The following OSBPL8 variants were observed in gnomAD, a reference collection of about 807,000 sequenced individuals.
The protein encoded by OSBPL8 is oxysterol binding protein like 8, also known as oxysterol-binding protein-related protein 8.
OSBPL8 carries 59 observed loss-of-function variants against 125.5 expected under a neutral mutation model. The ratio of observed to expected loss-of-function variants is 0.47; its 90% CI spans 0.38 to 0.58. The LOEUF (loss-of-function observed/expected upper bound fraction) is 0.58. Among genes scored for constraint, OSBPL8 ranks in the 20% least tolerant of loss-of-function variants. The pLI, the probability that OSBPL8 is intolerant of heterozygous loss-of-function variation, is 0.00. For synonymous variants in OSBPL8, 330 were observed against 338.9 expected (o/e 0.97, Z 0.29); for missense variants, 758 against 1,047.8 (o/e 0.72, Z 3.82).
intron 9 of OSBPL8, among the ~76,000 whole-genome samples, chr12:76,393,888 C>T (rs1169270705): frequency 1.3e-5 from 2 of 151,758 alleles, no homozygotes; most frequent in Non-Finnish European, 2.9e-5. Context: ...GGCGTGGTGG[C>T]ATGTGCCTGT....
At chr12:76,512,695 A>G (rs1014947389) in intron 1 of OSBPL8, among the ~76,000 whole-genome samples, 2 of 152,116 alleles carry the variant, frequency 1.3e-5, no homozygotes, top group African/African-American at 4.8e-5. Flanking sequence ...ATGAATTTTA[A>G]AATAGTTTTT....
intron 5 of OSBPL8, among the ~76,000 whole-genome samples, chr12:76,409,166 G>C (rs982589104): frequency 5.3e-5 from 8 of 152,198 alleles, no homozygotes; most frequent in African/African-American, 1.9e-4. Context: ...GAAGGAAACT[G>C]AGAAAACTTG....
chr12:76,430,633 A>G (rs1054214095), intron 4 of OSBPL8, among the ~76,000 whole-genome samples: 1 of 152,266 alleles, frequency 6.6e-6, no homozygotes, highest in African/African-American at 2.4e-5. Flanking sequence ...GAATACAGAT[A>G]GAAAATCTAA....
At chr12:76,455,230 G>C (rs960278940) in intron 3 of OSBPL8, among the ~76,000 whole-genome samples, 1 of 151,156 alleles carries the variant, frequency 6.6e-6, no homozygotes, top group Non-Finnish European at 1.5e-5. Flanking sequence ...GCGACAGAGC[G>C]AGACTCTATC....
At chr12:76,537,801 CAGG>C (rs1321959624) in intron 1 of OSBPL8, among the ~76,000 whole-genome samples, 2 of 152,004 alleles carry the variant, frequency 1.3e-5, no homozygotes, top group Non-Finnish European at 2.9e-5. Context: ...CCCAGCTACT[CAGG>C]AGGCTGAGGC....
chr12:76,380,817 T>C lies in OSBPL8; in HGVS notation c.1631-2267A>G, dbSNP rs1472158853. Reference sequence around the variant, plus strand: ...GTAATGAGAGTAAACATCCTTGCCTTGTTCTTGATCTTAGGTAGAAATTAT... The same window carrying C: ...GTAATGAGAGTAAACATCCTTGCCTCGTTCTTGATCTTAGGTAGAAATTAT... On this transcript the variant is annotated intron_variant, in intron 15 of 23. Transcript: ENST00000261183. 2.0e-5 allele frequency among the ~76,000 whole-genome samples: 3 copies of C among 152,178 alleles called. No individual in the cohort carries two copies. In the East Asian group the frequency reaches 5.8e-4, roughly 29 times the overall value.
At chr12:76,542,132 T>C (rs369034109) in intron 1 of OSBPL8, among the ~76,000 whole-genome samples, 6 of 151,246 alleles carry the variant, frequency 4.0e-5, no homozygotes, top group South Asian at 2.1e-4. Context: ...GATCATGCCA[T>C]TGCACCCCAG....
chr12:76,511,448 T>C (rs984914269), intron 1 of OSBPL8, among the ~76,000 whole-genome samples: 14 of 152,222 alleles, frequency 9.2e-5, no homozygotes, highest in Non-Finnish European at 1.9e-4. Context: ...TGGTGTGAGA[T>C]GATTTTGATT....
intron 2 of OSBPL8, among the ~76,000 whole-genome samples, chr12:76,484,779 G>A (rs1254273768): frequency 2.0e-5 from 3 of 152,018 alleles, no homozygotes; most frequent in Non-Finnish European, 4.4e-5. Context: ...ACTCAAAAGT[G>A]GACCTCAACG....
intron 1 of OSBPL8, among the ~76,000 whole-genome samples, chr12:76,557,854 T>C (rs772287767): frequency 5.9e-5 from 9 of 152,182 alleles, no homozygotes; most frequent in African/African-American, 9.7e-5. Flanking sequence ...AGTAACATTC[T>C]AAGGAAAATA....
At chr12:76,386,790 C>T in intron 12 of OSBPL8, 130 bp from the exon 13 acceptor site, 1 of 591,240 alleles carries the variant, frequency 1.7e-6, no homozygotes. Flanking sequence ...GATGACAAAA[C>T]AACCATGTAA....
At chr12:76,477,497 A>C (rs61925509) in intron 2 of OSBPL8, among the ~76,000 whole-genome samples, 31,005 of 152,106 alleles carry the variant, frequency 0.2, 3,397 homozygotes, top group Non-Finnish European at 0.26. Context: ...GTTCAGGGAT[A>C]CTATGTAAAA....
At chr12:76,415,992 A>G (rs1466977617) in intron 4 of OSBPL8, among the ~76,000 whole-genome samples, 2 of 152,070 alleles carry the variant, frequency 1.3e-5, no homozygotes, top group Non-Finnish European at 2.9e-5. Flanking sequence ...AACTTAAGAA[A>G]GATACTTAGC....
intron 4 of OSBPL8, among the ~76,000 whole-genome samples, chr12:76,435,231 A>G (rs888950814): frequency 6.6e-6 from 1 of 152,174 alleles, no homozygotes; most frequent in East Asian, 1.9e-4. Context: ...AAAAAGAAGG[A>G]AATCTTGCCA....
At chr12:76,511,123 TGA>T (rs1186780175) in intron 1 of OSBPL8, among the ~76,000 whole-genome samples, 1 of 151,942 alleles carries the variant, frequency 6.6e-6, no homozygotes, top group African/African-American at 2.4e-5. Context: ...GGTGGTAGAG[TGA>T]GAGTCAAAAC....
At chr12:76,363,535 A>G (rs1952289978) in intron 21 of OSBPL8, among the ~76,000 whole-genome samples, 1 of 152,244 alleles carries the variant, frequency 6.6e-6, no homozygotes, top group Non-Finnish European at 1.5e-5. Context: ...ACTTAAACAT[A>G]AGACCTAAAA....
In OSBPL8 at chr12:76,384,279, A is replaced by G; in HGVS notation, c.1605T>C (p.Ser535=). The change falls in exon 15 of 24, where the codon AGT becomes AGC. Residue 535 remains serine, a synonymous_variant. Coordinates refer to ENST00000261183, the MANE Select transcript of OSBPL8 (RefSeq NM_020841.5). ...CATAAAACTTAGACTTAGCCAGGAT[A>G]CTACCGCTAAGGCAAAATCCATCTT... is the stretch of plus-strand genomic sequence containing the variant. ...NRKDGFCLSG[S]ILAKSKFYGN... is the part of the protein sequence containing the mutation. The G allele has an allele frequency of 1.3e-6, 2 of 1,560,410 alleles. No homozygotes were observed. The highest frequency in any genetic ancestry group is 1.7e-6 in the Non-Finnish European group (2 of 1,144,400).
intron 4 of OSBPL8, among the ~76,000 whole-genome samples, chr12:76,436,389 C>A (rs1565895700): frequency 6.6e-6 from 1 of 151,802 alleles, no homozygotes. Context: ...TAGCATGTAC[C>A]CACAATCCTC....
chr12:76,494,293 A>G (rs1157878633), intron 1 of OSBPL8, among the ~76,000 whole-genome samples: 1 of 152,092 alleles, frequency 6.6e-6, no homozygotes, highest in African/African-American at 2.4e-5. Context: ...TGGTTTTGGT[A>G]GGAAAAGGCC....
Sources: gnomAD v4.1 joint callset for allele counts (sites outside exome capture counted in the v4.1 genomes callset) on GRCh38, gnomAD v4.1.1 for gene constraint, MANE v1.5 for transcripts, NCBI Gene and HGNC (gene_info 2026-07-23, HGNC 2026-07-21) for gene names.